HDAC9: variants seen among roughly 807,000 people sequenced by gnomAD.
HDAC9 encodes histone deacetylase 9.
Under a neutral mutation model 139.4 loss-of-function variants are expected in HDAC9, and 41 were observed. That is an observed-to-expected ratio of 0.29 (90% CI 0.23 to 0.38). HDAC9 has a LOEUF of 0.38. HDAC9 is among the 10% of genes least tolerant of loss of function. The probability of loss-of-function intolerance (pLI) is 1.00; values close to 1 mark genes in which losing one functional copy is unlikely to be tolerated. For missense variants in HDAC9, 1,147 were observed against 1,297.0 expected (o/e 0.88, Z 1.78); for synonymous variants, 517 against 476.2 (o/e 1.09, Z -1.12).
intron 1 of HDAC9, among the ~76,000 whole-genome samples, chr7:18,301,072 A>G (rs980495797): frequency 8.9e-5 from 13 of 146,460 alleles, no homozygotes; most frequent in African/African-American, 3.0e-4. Flanking sequence ...GGATGAAAAC[A>G]CTGTTTTTTT....
chr7:18,993,796 C>A (rs1050359104), intron 25 of HDAC9, among the ~76,000 whole-genome samples: 8 of 151,948 alleles, frequency 5.3e-5, no homozygotes, highest in Non-Finnish European at 1.0e-4. Context: ...GAGTGAGACC[C>A]TGTCTCAAAA....
chr7:18,935,236 A>T (rs1781544887), intron 22 of HDAC9, among the ~76,000 whole-genome samples: 1 of 152,118 alleles, frequency 6.6e-6, no homozygotes, highest in Non-Finnish European at 1.5e-5. Flanking sequence ...TTGTCATATT[A>T]TTGTATTTTA....
At chr7:18,145,283 A>G (rs771971673) in intron 1 of HDAC9, among the ~76,000 whole-genome samples, 25 of 152,182 alleles carry the variant, frequency 1.6e-4, no homozygotes, top group Admixed American at 1.6e-3. Flanking sequence ...CAAGCACTCA[A>G]TAAGAAGCAA....
chr7:18,466,621 T>C (rs1000977902), intron 1 of HDAC9, among the ~76,000 whole-genome samples: 58 of 152,284 alleles, frequency 3.8e-4, no homozygotes, highest in African/African-American at 1.3e-3. Flanking sequence ...TCTCCTACTT[T>C]TAAGGACAAT....
At chr7:18,938,158 T>A (rs973285130) in intron 23 of HDAC9, among the ~76,000 whole-genome samples, 3 of 149,234 alleles carry the variant, frequency 2.0e-5, no homozygotes, top group Admixed American at 2.0e-4. Flanking sequence ...AATTAGTGAC[T>A]TTAAAATTGA....
Position 18,762,250 on chromosome 7 carries a change from C to G in HDAC9, c.2137C>G (p.Gln713Glu). 6.2e-7 allele frequency: 1 copy of G among 1,613,644 alleles called. No individual in the cohort carries two copies. The highest frequency in any genetic ancestry group is 8.5e-7 in the Non-Finnish European group (1 of 1,179,692). ...LLYGTNPLDG[Q>E]KLDPRILLGD... ...GTATGGCACCAACCCCCTGGACGGACAGAAGCTGGACCCCAGGATACTCCT... is the reference window on the plus strand; with the variant it reads ...GTATGGCACCAACCCCCTGGACGGAGAGAAGCTGGACCCCAGGATACTCCT... Residue 713 changes from glutamine to glutamate, a missense_variant, in exon 15 of 26, where the codon CAG becomes GAG. Transcript: ENST00000686413.
intron 2 of HDAC9, among the ~76,000 whole-genome samples, chr7:18,538,712 T>C (rs1811715718): frequency 6.6e-6 from 1 of 152,222 alleles, no homozygotes; most frequent in Non-Finnish European, 1.5e-5. Context: ...AATTAGTGAC[T>C]CACTTCCAAG....
At chr7:18,314,052 G>A (rs949641245) in intron 1 of HDAC9, among the ~76,000 whole-genome samples, 2 of 152,140 alleles carry the variant, frequency 1.3e-5, no homozygotes, top group Non-Finnish European at 2.9e-5. Flanking sequence ...TTCCAAGCAA[G>A]AGATTATTCT....
chr7:18,676,630 A>G (rs1386623408), intron 12 of HDAC9, among the ~76,000 whole-genome samples: 1 of 151,954 alleles, frequency 6.6e-6, no homozygotes, highest in African/African-American at 2.4e-5. Flanking sequence ...TTCTACTGTA[A>G]ATTATAAATT....
chr7:18,166,155 C>T (rs1038640448), intron 2 of HDAC9, among the ~76,000 whole-genome samples: 3 of 152,188 alleles, frequency 2.0e-5, no homozygotes, highest in Admixed American at 1.3e-4. Flanking sequence ...ATTTTCCAAG[C>T]ATAGAACACA....
intron 16 of HDAC9, among the ~76,000 whole-genome samples, chr7:18,786,471 G>GTCCT (rs536317408): frequency 2.7e-3 from 97 of 35,404 alleles, no homozygotes; most frequent in African/African-American, 6.3e-3. Flanking sequence ...CCTTCCTTTC[G>GTCCT]TCCTTCCTTC....
intron 2 of HDAC9, among the ~76,000 whole-genome samples, chr7:18,179,366 A>G (rs942285983): frequency 6.6e-6 from 1 of 152,202 alleles, no homozygotes; most frequent in Admixed American, 6.5e-5. Flanking sequence ...CTAATTCTTA[A>G]ACTACAAGGT....
intron 2 of HDAC9, among the ~76,000 whole-genome samples, chr7:18,547,303 T>C (rs1381082143): frequency 6.6e-6 from 1 of 152,162 alleles, no homozygotes. Flanking sequence ...TGGCACGATC[T>C]CCGCTCACTG....
chr7:18,663,061 G>T (rs978957865), intron 11 of HDAC9, among the ~76,000 whole-genome samples: 2 of 152,030 alleles, frequency 1.3e-5, no homozygotes, highest in Non-Finnish European at 2.9e-5. Context: ...AGGGAAGTGA[G>T]CAAATGAAGG....
At chr7:18,340,268 A>G (rs1781903387) in intron 1 of HDAC9, among the ~76,000 whole-genome samples, 1 of 151,556 alleles carries the variant, frequency 6.6e-6, no homozygotes, top group South Asian at 2.1e-4. Flanking sequence ...TCATATTTAT[A>G]ATGAGTACCT....
At chr7:18,295,038 A>G (rs182788705) in intron 1 of HDAC9, among the ~76,000 whole-genome samples, 1 of 152,264 alleles carries the variant, frequency 6.6e-6, no homozygotes, top group African/African-American at 2.4e-5. Context: ...CTCAATTTAC[A>G]TGCTTTTGAA....
chr7:18,894,734 C>G (rs963502933), intron 22 of HDAC9, among the ~76,000 whole-genome samples: 3 of 152,054 alleles, frequency 2.0e-5, no homozygotes, highest in African/African-American at 7.2e-5. Context: ...TTATGTGATG[C>G]TGGTCATCTT....
chr7:18,762,234 C>G lies in HDAC9; in HGVS notation c.2121C>G (p.Thr707=). ...HSEHHSLLYG[T]NPLDGQKLDP... is the part of the protein sequence containing the mutation. ...AACATCACTCACTGTTGTATGGCAC[C>G]AACCCCCTGGACGGACAGAAGCTGG... The change falls in exon 15 of 26, where the codon ACC becomes ACG. Residue 707 remains threonine, a synonymous_variant. Transcript: ENST00000686413. 1 of 1,613,644 alleles carries G rather than the reference C, an allele frequency of 6.2e-7. No homozygotes were observed. The highest frequency in any genetic ancestry group is 8.5e-7 in the Non-Finnish European group (1 of 1,179,704).
intron 2 of HDAC9, among the ~76,000 whole-genome samples, chr7:18,189,338 G>A (rs1790160409): frequency 6.6e-6 from 1 of 150,930 alleles, no homozygotes; most frequent in Admixed American, 6.6e-5. Context: ...TCCAGGGCCT[G>A]TTGAGGGGTG....
Sources: gnomAD v4.1 joint callset for allele counts (sites outside exome capture counted in the v4.1 genomes callset) on GRCh38, gnomAD v4.1.1 for gene constraint, MANE v1.5 for transcripts, NCBI Gene and HGNC (gene_info 2026-07-23, HGNC 2026-07-21) for gene names.